GALNT7: variants seen among roughly 807,000 people sequenced by gnomAD.
GALNT7 encodes the protein polypeptide N-acetylgalactosaminyltransferase 7.
GALNT7 carries 60 observed loss-of-function variants against 82.1 expected under a neutral mutation model. That is an observed-to-expected ratio of 0.73 (90% CI 0.59 to 0.91). The LOEUF (loss-of-function observed/expected upper bound fraction) is 0.91. Ranked by LOEUF, GALNT7 falls within the 40% of genes least tolerant of loss-of-function variation. The pLI is 0.00. For synonymous variants in GALNT7, 243 were observed against 275.1 expected (o/e 0.88, Z 1.15); for missense variants, 660 against 804.2 (o/e 0.82, Z 2.17).
intron 2 of GALNT7, among the ~76,000 whole-genome samples, chr4:173,250,202 C>G (rs954249384): frequency 6.6e-6 from 1 of 152,058 alleles, no homozygotes; most frequent in African/African-American, 2.4e-5. Context: ...TCACTGCACA[C>G]CTGAGGTATA....
At chr4:173,261,028 C>T (rs891407066) in intron 2 of GALNT7, among the ~76,000 whole-genome samples, 4 of 152,284 alleles carry the variant, frequency 2.6e-5, no homozygotes, top group Admixed American at 1.3e-4. Flanking sequence ...GCTTGCTGAG[C>T]GCTTCTGTCC....
At chr4:173,227,060 T>TA (rs1270311549) in intron 1 of GALNT7, among the ~76,000 whole-genome samples, 1 of 152,202 alleles carries the variant, frequency 6.6e-6, no homozygotes, top group Non-Finnish European at 1.5e-5. Flanking sequence ...AATATGTGGT[T>TA]AAAAGCCAAT....
intron 1 of GALNT7, among the ~76,000 whole-genome samples, chr4:173,211,821 A>G (rs1733293584): frequency 6.6e-6 from 1 of 152,256 alleles, no homozygotes; most frequent in African/African-American, 2.4e-5. Context: ...TTAAAAATCT[A>G]TATCAAAATA....
At chr4:173,184,551 C>G (rs1297105237) in intron 1 of GALNT7, among the ~76,000 whole-genome samples, 2 of 148,562 alleles carry the variant, frequency 1.3e-5, no homozygotes, top group East Asian at 4.0e-4. Context: ...GGCGGCAGTA[C>G]AGTCCAGCCT....
intron 1 of GALNT7, among the ~76,000 whole-genome samples, chr4:173,171,859 T>C (rs996835624): frequency 1.4e-4 from 22 of 152,172 alleles, no homozygotes; most frequent in African/African-American, 5.3e-4. Context: ...TCGATAAATA[T>C]ATAAATAAAA....
rs1382563826 is a variant in GALNT7 at position 173,320,252 on chromosome 4, C to A, written c.1837-1328C>A. Among the ~76,000 whole-genome samples the A allele has an allele frequency of 1.3e-5, 2 of 151,818 alleles. No individual in the cohort carries two copies. Among genetic ancestry groups the A allele is most frequent in the African/African-American group, 4.8e-5 (2 of 41,320 alleles). ...TACACTCTTAAAAATTTTTGAGCTC[C>A]CCCACCCCCAAATTGCTTTTGTTTA... On this transcript the variant is annotated intron_variant, in intron 11 of 11. Transcript: ENST00000265000. This position sits in a 1 kb window ranked among gnomAD's most constrained non-coding sequence, Gnocchi z 4.1.
intron 2 of GALNT7, among the ~76,000 whole-genome samples, chr4:173,256,327 A>G (rs1395959080): frequency 2.0e-5 from 3 of 152,320 alleles, no homozygotes; most frequent in Admixed American, 1.3e-4. Flanking sequence ...GTTATTAGAA[A>G]TGAATGTCTC....
intron 8 of GALNT7, among the ~76,000 whole-genome samples, chr4:173,306,238 C>A (rs918738300): frequency 1.2e-4 from 18 of 152,128 alleles, no homozygotes; most frequent in Non-Finnish European, 2.2e-4. Context: ...TTTCCTGCAA[C>A]TTTATTAGAT....
intron 3 of GALNT7, among the ~76,000 whole-genome samples, chr4:173,293,930 C>T (rs1736626898): frequency 2.6e-5 from 4 of 152,214 alleles, no homozygotes; most frequent in Admixed American, 2.0e-4. Context: ...TTTCCACCCA[C>T]ATCTTGTTGA....
chr4:173,170,137 C>A (rs951151252), intron 1 of GALNT7, among the ~76,000 whole-genome samples: 2 of 152,180 alleles, frequency 1.3e-5, no homozygotes, highest in Non-Finnish European at 2.9e-5. Context: ...CTGCTTCCCC[C>A]CGGATGAACC....
At chr4:173,293,851 A>G (rs889368203) in intron 3 of GALNT7, among the ~76,000 whole-genome samples, 1 of 152,204 alleles carries the variant, frequency 6.6e-6, no homozygotes, top group Non-Finnish European at 1.5e-5. Context: ...CACTGCCTGC[A>G]GAGGGGCAGT....
At chr4:173,298,054 T>G in intron 5 of GALNT7, 61 bp from the exon 6 acceptor site, 1 of 1,569,950 alleles carries the variant, frequency 6.4e-7, no homozygotes, top group Non-Finnish European at 8.7e-7. Flanking sequence ...TGAACTCGTA[T>G]AAATGTGTGG....
chr4:173,293,173 A>T (rs1214065425), intron 3 of GALNT7, among the ~76,000 whole-genome samples: 2 of 152,200 alleles, frequency 1.3e-5, no homozygotes, highest in African/African-American at 4.8e-5. Context: ...CATATCCTAA[A>T]AAAAGTGAAG....
intron 1 of GALNT7, among the ~76,000 whole-genome samples, chr4:173,239,067 G>A (rs1003811053): frequency 6.6e-6 from 1 of 152,086 alleles, no homozygotes; most frequent in Non-Finnish European, 1.5e-5. Context: ...AGATAAATTG[G>A]CCAAGAGAAC....
intron 6 of GALNT7, among the ~76,000 whole-genome samples, chr4:173,300,742 T>TA (rs779288128): frequency 7.9e-5 from 12 of 151,614 alleles, no homozygotes; most frequent in Non-Finnish European, 1.5e-4. Context: ...CAGAAGACAA[T>TA]AAAGGACACA....
At chr4:173,270,893 C>G (rs1484176180) in intron 2 of GALNT7, among the ~76,000 whole-genome samples, 1 of 152,216 alleles carries the variant, frequency 6.6e-6, no homozygotes, top group African/African-American at 2.4e-5. Context: ...GCATTCTGTG[C>G]AGGCTCCTGC....
At chr4:173,193,240 A>G (rs936899448) in intron 1 of GALNT7, among the ~76,000 whole-genome samples, 2 of 152,344 alleles carry the variant, frequency 1.3e-5, no homozygotes, top group African/African-American at 2.4e-5. Flanking sequence ...CTGAATCCTT[A>G]TAACAAACAC....
chr4:173,288,200 G>A (rs978281137), intron 2 of GALNT7, among the ~76,000 whole-genome samples: 1 of 147,252 alleles, frequency 6.8e-6, no homozygotes, highest in African/African-American at 2.6e-5. Flanking sequence ...GGAGAATGGC[G>A]TGAACCCGGG....
At chr4:173,240,704 A>G (rs938975353) in intron 1 of GALNT7, among the ~76,000 whole-genome samples, 2 of 152,206 alleles carry the variant, frequency 1.3e-5, no homozygotes, top group Non-Finnish European at 2.9e-5. Context: ...GTGCATAATT[A>G]TTGTCCAAAG....
Sources: allele counts gnomAD v4.1 joint callset (sites outside exome capture counted in the v4.1 genomes callset), GRCh38; gene constraint gnomAD v4.1.1; non-coding constraint Gnocchi (gnomAD v3.1); transcripts MANE v1.5; gene names NCBI Gene and HGNC (gene_info 2026-07-23, HGNC 2026-07-21).